Variants in EEFSEC observed in about 807,000 individuals in gnomAD.
EEFSEC encodes the protein selenocysteine-specific elongation factor.
In EEFSEC, 43 loss-of-function variants were observed where a neutral mutation model predicts 42.1. The ratio of observed to expected loss-of-function variants is 1.02; its 90% CI spans 0.80 to 1.32. The LOEUF (loss-of-function observed/expected upper bound fraction) is 1.32. Ranked by LOEUF, EEFSEC falls within the 40% of genes most tolerant of loss-of-function variation. EEFSEC has a pLI of 0.00. For missense variants in EEFSEC, 745 were observed against 803.6 expected, an observed-to-expected ratio of 0.93 and a Z score of 0.88; for synonymous variants, 354 against 339.1, an observed-to-expected ratio of 1.04 and a Z score of -0.48.
intron 1 of EEFSEC, among the ~76,000 whole-genome samples, chr3:128,227,917 C>T (rs1175323836): frequency 6.6e-6 from 1 of 152,234 alleles, no homozygotes; most frequent in African/African-American, 2.4e-5. Flanking sequence ...TGGATCTTCA[C>T]AGCATTTGAT....
At position 128,182,056 on chromosome 3, in the gene EEFSEC, G is replaced by A. The variant is rs192159248; in HGVS notation, c.316+28233G>A. 2.6e-3 allele frequency among the ~76,000 whole-genome samples: 393 copies of A among 152,254 alleles called. 3 individuals carry two copies. Among genetic ancestry groups the A allele is most frequent in the African/African-American group, 8.9e-3 (368 of 41,556 alleles). ...CTTGGCTCCTGCCCTCAAGTGATCC[G>A]CCTGCCTTGGGCTCCCAAAGTGCCG... On this transcript the variant is annotated intron_variant, in intron 1 of 6. Coordinates refer to ENST00000254730, the MANE Select transcript of EEFSEC (RefSeq NM_021937.5).
chr3:128,303,360 G>A (rs1046222004), intron 4 of EEFSEC, among the ~76,000 whole-genome samples: 5 of 152,134 alleles, frequency 3.3e-5, no homozygotes, highest in African/African-American at 7.2e-5. Context: ...GATGGCCCAC[G>A]TCCCCAGACT....
intron 1 of EEFSEC, among the ~76,000 whole-genome samples, chr3:128,235,331 A>C (rs1385325295): frequency 6.6e-6 from 1 of 152,100 alleles, no homozygotes; most frequent in African/African-American, 2.4e-5. Flanking sequence ...GGCCTCCCAA[A>C]GTGCTGGGAT....
intron 1 of EEFSEC, among the ~76,000 whole-genome samples, chr3:128,230,021 T>TTTTTC (rs549163254): frequency 6.6e-6 from 1 of 152,006 alleles, no homozygotes; most frequent in Non-Finnish European, 1.5e-5. Context: ...TTTATCTCTC[T>TTTTTC]TTTTCTTTTC....
At chr3:128,344,746 G>A (rs1440416800) in intron 5 of EEFSEC, among the ~76,000 whole-genome samples, 2 of 152,232 alleles carry the variant, frequency 1.3e-5, no homozygotes, top group African/African-American at 4.8e-5. Flanking sequence ...AGCCCTTGCT[G>A]TACCCAAAAC....
intron 1 of EEFSEC, among the ~76,000 whole-genome samples, chr3:128,203,574 G>A (rs1218031810): frequency 6.6e-6 from 1 of 152,218 alleles, no homozygotes; most frequent in African/African-American, 2.4e-5. Context: ...TCTGTAGGAA[G>A]TAAATCATCT....
Position 128,189,752 on chromosome 3 carries a change from G to T in EEFSEC, c.316+35929G>T, listed in dbSNP as rs1048444713. On this transcript the variant is annotated intron_variant, in intron 1 of 6. Coordinates refer to ENST00000254730, the MANE Select transcript of EEFSEC (RefSeq NM_021937.5). ...TTGTATTTATTTTGTAGAGACGGGG[G>T]TCTCACCATGTTGCCCAGGCTGATC... Among the ~76,000 whole-genome samples, 3 of 151,432 alleles carry T rather than the reference G, an allele frequency of 2.0e-5. No homozygotes were observed. In the South Asian group the frequency reaches 6.3e-4, roughly 32 times the overall value.
Position 128,408,275 on chromosome 3 carries a change from C to T in EEFSEC, c.*16C>T. The T allele has an allele frequency of 6.5e-7, 1 of 1,543,750 alleles. No homozygotes were observed. The highest frequency in any genetic ancestry group is 8.8e-7 in the Non-Finnish European group (1 of 1,140,124). On this transcript the variant is annotated 3_prime_UTR_variant, in exon 7 of 7. Coordinates refer to ENST00000254730, the MANE Select transcript of EEFSEC (RefSeq NM_021937.5). Reference sequence around the variant, plus strand: ...GTCTCCCTGAGTGTCCGGTGACCTCCCCCAGGGCCTCCTTGCCCAGCCCAG... The same window carrying T: ...GTCTCCCTGAGTGTCCGGTGACCTCTCCCAGGGCCTCCTTGCCCAGCCCAG...
chr3:128,227,954 G>A (rs1002466707), intron 1 of EEFSEC, among the ~76,000 whole-genome samples: 7 of 152,152 alleles, frequency 4.6e-5, no homozygotes, highest in African/African-American at 1.7e-4. Context: ...CGCTTCAGTT[G>A]TTCAACTTTT....
chr3:128,351,847 C>T (rs1029654534), intron 5 of EEFSEC, among the ~76,000 whole-genome samples: 1 of 152,228 alleles, frequency 6.6e-6, no homozygotes, highest in African/African-American at 2.4e-5. Context: ...GCAAATTATT[C>T]ATGCAAACAG....
At chr3:128,156,011 T>C (rs1276277200) in intron 1 of EEFSEC, among the ~76,000 whole-genome samples, 6 of 152,210 alleles carry the variant, frequency 3.9e-5, no homozygotes, top group Admixed American at 6.5e-5. Flanking sequence ...TTTTAGAACA[T>C]GGACTCTGAG....
intron 6 of EEFSEC, among the ~76,000 whole-genome samples, chr3:128,402,677 T>C (rs1382685903): frequency 4.6e-5 from 7 of 152,246 alleles, no homozygotes; most frequent in Non-Finnish European, 7.3e-5. Flanking sequence ...ACCACTTGTT[T>C]GGACCGAATT....
chr3:128,397,625 G>A (rs536061857), intron 6 of EEFSEC, among the ~76,000 whole-genome samples: 62 of 152,358 alleles, frequency 4.1e-4, no homozygotes, highest in African/African-American at 1.5e-3. Context: ...TCAAACCTCA[G>A]CCCCGCCCAG....
chr3:128,247,115 A>T (rs2107899220), intron 2 of EEFSEC, 72 bp downstream of exon 2: 1 of 1,505,226 alleles, frequency 6.6e-7, no homozygotes, highest in African/African-American at 1.4e-5. Context: ...CATTTCACAA[A>T]CATGAATTGG....
At chr3:128,336,990 A>AGG (rs1355996333) in intron 4 of EEFSEC, 1 of 152,214 alleles carries the variant, frequency 6.6e-6, no homozygotes, top group Non-Finnish European at 1.5e-5. Context: ...CGTGGACATT[A>AGG]GCGAATGTTT....
chr3:128,282,212 T>A (rs2066533968), intron 4 of EEFSEC, among the ~76,000 whole-genome samples: 1 of 152,208 alleles, frequency 6.6e-6, no homozygotes, highest in South Asian at 2.1e-4. Flanking sequence ...GTGACCCACA[T>A]GAAATGCCAG....
At chr3:128,340,740 G>A (rs1009708182) in intron 4 of EEFSEC, among the ~76,000 whole-genome samples, 2 of 152,324 alleles carry the variant, frequency 1.3e-5, no homozygotes, top group African/African-American at 4.8e-5. Flanking sequence ...GTTGGGACAG[G>A]CTTTCCAGAG....
At chr3:128,174,679 A>G (rs1373837836) in intron 1 of EEFSEC, among the ~76,000 whole-genome samples, 1 of 152,156 alleles carries the variant, frequency 6.6e-6, no homozygotes, top group Non-Finnish European at 1.5e-5. Context: ...AAAACAGGAG[A>G]GAAAGGGAAT....
intron 4 of EEFSEC, among the ~76,000 whole-genome samples, chr3:128,288,557 G>A (rs2066610342): frequency 6.6e-6 from 1 of 152,198 alleles, no homozygotes; most frequent in African/African-American, 2.4e-5. Context: ...GAACAAATGT[G>A]CACCCTGGGC....
Sources: allele counts gnomAD v4.1 joint callset (sites outside exome capture counted in the v4.1 genomes callset), GRCh38; gene constraint gnomAD v4.1.1; transcripts MANE v1.5; gene names NCBI Gene and HGNC (gene_info 2026-07-23, HGNC 2026-07-21).